FAM120B: variants seen among roughly 807,000 people sequenced by gnomAD.
FAM120B encodes constitutive coactivator of peroxisome proliferator-activated receptor gamma.
Under a neutral mutation model 96.3 loss-of-function variants are expected in FAM120B, and 83 were observed. The observed-to-expected ratio is 0.86, with a 90% CI of 0.72 to 1.03. The LOEUF is 1.03. Ranked by LOEUF, FAM120B falls within the 50% of genes least tolerant of loss-of-function variation. The pLI, the probability that FAM120B is intolerant of heterozygous loss-of-function variation, is 0.00. For missense variants in FAM120B, 1,027 were observed against 1,121.2 expected (o/e 0.92, Z 1.20); for synonymous variants, 407 against 402.7 (o/e 1.01, Z -0.13).
rs1200690405 is a variant in FAM120B, at chr6:170,365,713, C to CT, written c.2283+7396dup. On this transcript the variant is annotated intron_variant, in intron 6 of 10. Coordinates refer to ENST00000476287, the MANE Select transcript of FAM120B (RefSeq NM_032448.3). ...TCCTGACACACACACACACCCCTCC[C>CT]TCCCCCCCCTCCCCCCTGCCAGGCT... Among the ~76,000 whole-genome samples the CT allele has an allele frequency of 1.2e-3, 181 of 149,136 alleles. 1 individual carries two copies. In the Middle Eastern group the frequency reaches 0.024, roughly 20 times the overall value.
chr6:170,395,450 G>C, intron 8 of FAM120B, 37 bp from the exon 9 acceptor site: 1 of 1,510,616 alleles, frequency 6.6e-7, no homozygotes. Context: ...TAAGACATTT[G>C]ACAACTTACT....
chr6:170,379,837 C>T (rs1351088931), intron 6 of FAM120B, among the ~76,000 whole-genome samples: 2 of 152,178 alleles, frequency 1.3e-5, no homozygotes, highest in Admixed American at 6.5e-5. Flanking sequence ...ACCTATCCAT[C>T]ACCTTTTGTG....
intron 4 of FAM120B, 84 bp from the exon 5 acceptor site, chr6:170,348,067 T>C: frequency 1.8e-6 from 2 of 1,095,854 alleles, no homozygotes; most frequent in South Asian, 3.4e-5. Flanking sequence ...GAGATTTGTT[T>C]CCTTTTACTG....
chr6:170,383,102 G>GAAAAAAAAAAA lies in FAM120B; in HGVS notation c.2284-5180_2284-5170dup, dbSNP rs140590111. On this transcript the variant is annotated intron_variant, in intron 6 of 10. Transcript: ENST00000476287. ...ACTGGATACCCATAAGCCAAAAAAA[G>GAAAAAAAAAAA]AAAAAAAAAAAAAAAGGACCTTGTC... 1.0e-4 allele frequency among the ~76,000 whole-genome samples: 11 copies of GAAAAAAAAAAA among 108,440 alleles called. 1 individual carries two copies. The highest frequency in any genetic ancestry group is 1.3e-4 in the Non-Finnish European group (6 of 47,714). The allele number at this position is 108,440 out of a possible 152,430, so 71.1% of individuals were successfully genotyped here. A position where few individuals can be genotyped will look rare whatever the true frequency, so the allele number is the denominator to read the frequency against.
intron 6 of FAM120B, 121 bp downstream of exon 6, chr6:170,358,439 T>C: frequency 1.4e-6 from 1 of 727,306 alleles, no homozygotes; most frequent in Non-Finnish European, 2.3e-6. Context: ...GTCAGGATCT[T>C]TTCGTGATGC....
Position 170,358,040 on chromosome 6 carries a change from G to T in FAM120B, c.2191-186G>T, listed in dbSNP as rs544677271. 1.5e-4 allele frequency among the ~76,000 whole-genome samples: 23 copies of T among 151,822 alleles called. No individual in the cohort carries two copies. The South Asian group carries it at 4.4e-3, about 29-fold the overall frequency. ...CATGTGTGTGTGCATGCCTGTGCGT[G>T]TACCCATGTGTGTGCACCTCTGTGT... On this transcript the variant is annotated intron_variant, in intron 5 of 10. Coordinates refer to ENST00000476287, the MANE Select transcript of FAM120B (RefSeq NM_032448.3).
intron 6 of FAM120B, among the ~76,000 whole-genome samples, chr6:170,382,455 A>G (rs1789965762): frequency 6.6e-6 from 1 of 152,186 alleles, no homozygotes. Context: ...GCAAGGCCTC[A>G]AGCTACAAGA....
chr6:170,349,725 G>C (rs1212778357), intron 5 of FAM120B, among the ~76,000 whole-genome samples: 7 of 152,196 alleles, frequency 4.6e-5, no homozygotes, highest in Non-Finnish European at 7.3e-5. Flanking sequence ...GAATCCAAGA[G>C]GCTGATTAGA....
rs1790311097 is a variant in FAM120B at position 170,388,380 on chromosome 6, C to T, written c.2377C>T (p.Pro793Ser). 6.2e-7 allele frequency: 1 copy of T among 1,614,014 alleles called. No individual in the cohort carries two copies. The highest frequency in any genetic ancestry group is 1.1e-5 in the South Asian group (1 of 91,082). Residue 793 changes from proline (P) to serine (S), a missense_variant, in exon 7 of 11, where the codon CCC (proline) becomes TCC (serine). Around this residue, in one of 3 missense-constraint regions of FAM120B, gnomAD observed 880 missense variants for 980.9 expected, o/e 0.90. Coordinates refer to ENST00000476287, the MANE Select transcript of FAM120B (RefSeq NM_032448.3). ...LVLVNSACGF[P>S]WKTSDFMPWN... ...TTTAGTCAACAGCGCATGTGGCTTC[C>T]CCTGGAAGACGAGTGATTTCATGCC...
At chr6:170,352,182 A>G (rs192247085) in intron 5 of FAM120B, among the ~76,000 whole-genome samples, 63 of 152,348 alleles carry the variant, frequency 4.1e-4, no homozygotes, top group Non-Finnish European at 6.9e-4. Context: ...AAAGATTTAA[A>G]AAAGACAAGA....
At chr6:170,392,990 C>T (rs1790551823) in intron 8 of FAM120B, among the ~76,000 whole-genome samples, 1 of 152,136 alleles carries the variant, frequency 6.6e-6, no homozygotes, top group Admixed American at 6.5e-5. Flanking sequence ...TCTCACATTG[C>T]CTGTTTCCTT....
At chr6:170,378,864 T>C (rs1210484198) in intron 6 of FAM120B, among the ~76,000 whole-genome samples, 2 of 152,230 alleles carry the variant, frequency 1.3e-5, no homozygotes, top group African/African-American at 4.8e-5. Context: ...GAGCTAAGAC[T>C]TGAAAAAATA....
intron 1 of FAM120B, among the ~76,000 whole-genome samples, chr6:170,299,318 G>A (rs932070347): frequency 2.0e-5 from 3 of 152,218 alleles, no homozygotes; most frequent in African/African-American, 7.2e-5. Context: ...CTTATCTAAA[G>A]TTGTTCAAAT....
In FAM120B at chr6:170,319,109, C is replaced by T. The variant is rs1455082257; in HGVS notation, c.1719C>T (p.Asp573=). The T allele has an allele frequency of 1.3e-6, 2 of 1,564,816 alleles. No individual in the cohort carries two copies. The highest frequency in any genetic ancestry group is 1.7e-6 in the Non-Finnish European group (2 of 1,161,184). Residue 573 remains aspartate (D), a synonymous_variant, in exon 2 of 11, where the codon GAC becomes GAT. Transcript: ENST00000476287. ...AGCAACAAGTAACCATGGTTTCAGACACTGAAATCTTAAAGGTATGTGTAT... is the reference window on the plus strand; with the variant it reads ...AGCAACAAGTAACCATGGTTTCAGATACTGAAATCTTAAAGGTATGTGTAT... ...EVKQQVTMVS[D]TEILKVARTH...
chr6:170,326,633 T>C (rs1785606659), intron 3 of FAM120B, among the ~76,000 whole-genome samples: 1 of 152,268 alleles, frequency 6.6e-6, no homozygotes, highest in Non-Finnish European at 1.5e-5. Flanking sequence ...CCTGCTGTTG[T>C]AGTGCAAGAG....
chr6:170,381,281 A>G (rs536020810), intron 6 of FAM120B, among the ~76,000 whole-genome samples: 77 of 152,282 alleles, frequency 5.1e-4, no homozygotes, highest in East Asian at 3.9e-4. Context: ...GCATTCAACA[A>G]CTTAGATGTA....
At chr6:170,341,362 TC>T (rs1786817719) in intron 4 of FAM120B, among the ~76,000 whole-genome samples, 1 of 152,096 alleles carries the variant, frequency 6.6e-6, no homozygotes, top group Non-Finnish European at 1.5e-5. Context: ...AGCTCGATCG[TC>T]CCAGGTCGAC....
chr6:170,402,136 C>T (rs547076169), intron 9 of FAM120B, among the ~76,000 whole-genome samples: 1 of 152,378 alleles, frequency 6.6e-6, no homozygotes, highest in East Asian at 1.9e-4. Context: ...AGGAGGCAGG[C>T]TCAGCAGACG....
chr6:170,354,168 G>T (rs1477808916), intron 5 of FAM120B, among the ~76,000 whole-genome samples: 1 of 152,176 alleles, frequency 6.6e-6, no homozygotes, highest in East Asian at 1.9e-4. Flanking sequence ...ATAAGCAATA[G>T]GGAAAGACTC....
Sources: gnomAD v4.1 joint callset for allele counts (sites outside exome capture counted in the v4.1 genomes callset) on GRCh38, gnomAD v4.1.1 for gene constraint, gnomAD v4.1.1 regional missense constraint, MANE v1.5 for transcripts, NCBI Gene and HGNC (gene_info 2026-07-23, HGNC 2026-07-21) for gene names.